C4orf50: variants seen among roughly 807,000 people sequenced by gnomAD.
The protein encoded by C4orf50 is chromosome 4 open reading frame 50.
A neutral mutation model predicts 77.2 loss-of-function variants in C4orf50; 80 were observed. The observed-to-expected ratio is 1.04, with a 90% confidence interval of 0.87 to 1.25. The LOEUF is 1.25. Ranked by LOEUF, C4orf50 falls within the 50% of genes most tolerant of loss-of-function variation. C4orf50 has a pLI of 0.00. For missense variants in C4orf50, 1,257 were observed against 1,152.9 expected (o/e 1.09, Z -1.31); for synonymous variants, 532 against 465.3 (o/e 1.14, Z -1.84).
rs553040164 is a variant in C4orf50 at position 5,973,403 on chromosome 4, C to G, written c.4104+256G>C. Reference sequence around the variant, plus strand: ...ATGAAGCTTGTATGACGCTGAATTACAATCACTGTTTACGTCTGTGCCTTG... The same window carrying G: ...ATGAAGCTTGTATGACGCTGAATTAGAATCACTGTTTACGTCTGTGCCTTG... On this transcript the variant is annotated intron_variant, in intron 31 of 33. Coordinates refer to ENST00000531445, the Ensembl canonical transcript of C4orf50. 1.4e-4 allele frequency among the ~76,000 whole-genome samples: 21 copies of G among 152,382 alleles called. No individual in the cohort carries two copies. The South Asian group carries it at 2.9e-3, about 21-fold the overall frequency.
At chr4:5,906,532 A>T (rs1236442439) in intron 7 of C4orf50, among the ~76,000 whole-genome samples, 2 of 152,182 alleles carry the variant, frequency 1.3e-5, no homozygotes, top group Non-Finnish European at 2.9e-5. Flanking sequence ...ATATCTGAAC[A>T]ATGTGACAGT....
At position 6,011,829 on chromosome 4, in the gene C4orf50, C is replaced by T. The variant is rs1578001266; in HGVS notation, c.426+1G>A. 1.3e-5 allele frequency: 5 copies of T among 399,104 alleles called. No homozygotes were observed. The East Asian group carries it at 1.4e-4, about 11-fold the overall frequency. The allele number at this position is 399,104 out of a possible 1,614,324, so 24.7% of individuals were successfully genotyped here. Reference sequence around the variant, plus strand: ...GCCTGGAAAGGAGAAGGAAACGGTACCTGGCTGGCCAGCTCCCCCTGCAGC... The same window carrying T: ...GCCTGGAAAGGAGAAGGAAACGGTATCTGGCTGGCCAGCTCCCCCTGCAGC... On this transcript the variant is annotated splice_donor_variant, in intron 24 of 33. Transcript: ENST00000531445. LOFTEE classifies it high-confidence loss of function. The surrounding 1 kb of genome is among the most constrained non-coding windows in gnomAD (Gnocchi z 4.2).
intron 7 of C4orf50, among the ~76,000 whole-genome samples, chr4:5,936,834 T>A (rs935792904): frequency 6.6e-6 from 1 of 151,668 alleles, no homozygotes; most frequent in Non-Finnish European, 1.5e-5. Context: ...AACTCCAGAA[T>A]CACAAAGACA....
chr4:5,956,010 T>C (rs1412680445), downstream of C4orf50, among the ~76,000 whole-genome samples: 1 of 152,198 alleles, frequency 6.6e-6, no homozygotes, highest in Non-Finnish European at 1.5e-5. Context: ...TAACCTCCTC[T>C]GACCCAGGAT....
At chr4:5,973,946 C>T in intron 30 of C4orf50, 105 bp from the exon 9 acceptor site, 1 of 890,362 alleles carries the variant, frequency 1.1e-6, no homozygotes, top group Non-Finnish European at 1.7e-6. Flanking sequence ...CTCACCATCC[C>T]CAGCCCTGCC....
At chr4:5,925,495 C>T (rs1261428073) in intron 7 of C4orf50, among the ~76,000 whole-genome samples, 4 of 152,320 alleles carry the variant, frequency 2.6e-5, no homozygotes, top group South Asian at 2.1e-4. Context: ...GTTGGGAGGA[C>T]GGTACCAGTG....
rs114446806 is a variant in C4orf50, at chr4:5,978,400, C to T, written c.3864+1774G>A. On this transcript the variant is annotated intron_variant, in intron 29 of 33. Transcript: ENST00000531445. The stretch of plus-strand genomic sequence containing the variant: ...TTAAGAACTAAAGTGAGTTTAGGAG[C>T]AAATTAGATTCATCCAAAGAGTACT... Among the ~76,000 whole-genome samples the T allele has an allele frequency of 7.6e-4, 115 of 152,228 alleles. 1 individual carries two copies. Among genetic ancestry groups the T allele is most frequent in the African/African-American group, 2.6e-3 (110 of 41,516 alleles).
intron 7 of C4orf50, among the ~76,000 whole-genome samples, chr4:5,924,318 C>T (rs550440868): frequency 4.6e-5 from 7 of 152,152 alleles, no homozygotes; most frequent in African/African-American, 1.4e-4. Context: ...CCAAAATAGT[C>T]GATTTCTGAT....
exon 31 of C4orf50, chr4:5,973,835 T>A (rs1234028156): frequency 6.2e-7 from 1 of 1,609,750 alleles, no homozygotes; most frequent in Non-Finnish European, 8.5e-7. Flanking sequence ...AGGGAAGCTA[T>A]CTTGGCCTGA....
intron 23 of C4orf50, 141 bp from the exon 2 acceptor site, chr4:6,012,109 G>C (rs1722519425): frequency 2.5e-6 from 1 of 397,100 alleles, no homozygotes. Flanking sequence ...ATTACGTTTT[G>C]CATAATATTC....
Position 6,018,495 on chromosome 4 carries a change from C to T in C4orf50, c.-64G>A. 2.5e-6 allele frequency: 1 copy of T among 398,502 alleles called. No homozygotes were observed. Among genetic ancestry groups the T allele is most frequent in the Non-Finnish European group, 4.4e-6 (1 of 226,020 alleles). The allele number at this position is 398,502 out of a possible 1,614,324, so 24.7% of individuals were successfully genotyped here. A position where few individuals can be genotyped will look rare whatever the true frequency, so the allele number is the denominator to read the frequency against. On this transcript the variant is annotated 5_prime_UTR_variant, in exon 23 of 34. Transcript: ENST00000531445. This position sits in a 1 kb window ranked among gnomAD's most constrained non-coding sequence, Gnocchi z 5.1. The stretch of plus-strand genomic sequence containing the variant: ...TTAAGTGAGTTTGCAACATTGACTT[C>T]CCGGAGATTTCAAGGTGGTGTTTGT...
intron 30 of C4orf50, among the ~76,000 whole-genome samples, 183 bp from the exon 9 acceptor site, chr4:5,974,024 G>A (rs1720107072): frequency 6.6e-6 from 1 of 152,214 alleles, no homozygotes; most frequent in Non-Finnish European, 1.5e-5. Context: ...TGCTTTCGGA[G>A]CAGACGGCCA....
chr4:5,952,588 C>T (rs4352417), downstream of C4orf50, among the ~76,000 whole-genome samples: 104,741 of 152,104 alleles, frequency 0.69, 37,185 homozygotes, highest in African/African-American at 0.8. The surrounding 1 kb of genome is among the most constrained non-coding windows in gnomAD (Gnocchi z 4.4). Context: ...ATCTACTCCA[C>T]CCACCCCTTC....
intron 7 of C4orf50, among the ~76,000 whole-genome samples, chr4:5,933,583 C>T (rs1577903818): frequency 6.6e-6 from 1 of 152,230 alleles, no homozygotes; most frequent in South Asian, 2.1e-4. Context: ...ATCCCCATGT[C>T]CCTGACACCA....
intron 7 of C4orf50, chr4:5,899,004 A>G (rs1716240291): frequency 6.6e-6 from 1 of 152,270 alleles, no homozygotes; most frequent in Non-Finnish European, 1.5e-5. Flanking sequence ...CACATGGGAA[A>G]GAGAAAACCC....
Position 5,980,407 on chromosome 4 carries a change from C to T in C4orf50, c.3700-69G>A, listed in dbSNP as rs1027156699. ...CAAGCAATTTGCCTTAGCCAACAAA[C>T]GGTACCCGTTTCCCCACTCCGTAGT... is the stretch of plus-strand genomic sequence containing the variant. On this transcript the variant is annotated intron_variant, in intron 28 of 33. Transcript: ENST00000531445. The T allele has an allele frequency of 1.2e-5, 17 of 1,441,046 alleles. No homozygotes were observed. The South Asian group carries it at 1.6e-4, about 14-fold the overall frequency. 89.3% of individuals were successfully genotyped at this position (1,441,046 alleles called of 1,614,324 possible). A position where few individuals can be genotyped will look rare whatever the true frequency, so the allele number is the denominator to read the frequency against.
chr4:5,950,859 T>C (rs539176191), intron 7 of C4orf50, among the ~76,000 whole-genome samples: 2 of 152,318 alleles, frequency 1.3e-5, no homozygotes, highest in South Asian at 2.1e-4. Context: ...TCAGTAAGCA[T>C]TGATCATGGG....
At chr4:5,941,742 C>T (rs549320205) in intron 7 of C4orf50, among the ~76,000 whole-genome samples, 4 of 152,120 alleles carry the variant, frequency 2.6e-5, no homozygotes, top group Middle Eastern at 3.4e-3. Context: ...CCCCATTGTA[C>T]GGAGGAGGCT....
rs1007191666 is a variant in C4orf50, at chr4:5,908,458, T to C, written c.*2475-10270A>G. 1.3e-5 allele frequency among the ~76,000 whole-genome samples: 2 copies of C among 152,078 alleles called. No homozygotes were observed. Among genetic ancestry groups the C allele is most frequent in the Non-Finnish European group, 2.9e-5 (2 of 68,022 alleles). On this transcript the variant is annotated intron_variant, in intron 7 of 7. Transcript: ENST00000324058. This position sits in a 1 kb window ranked among gnomAD's most constrained non-coding sequence, Gnocchi z 5.6. ...AACCACAGGAGGCATTCATATGTCC[T>C]GGGGAGTTGGCAGCGACTAGGCTAC...
Sources: gnomAD v4.1 joint callset for allele counts (sites outside exome capture counted in the v4.1 genomes callset) on GRCh38, gnomAD v4.1.1 for gene constraint, Gnocchi (gnomAD v3.1) non-coding constraint, MANE v1.5 for transcripts, NCBI Gene and HGNC (gene_info 2026-07-23, HGNC 2026-07-21) for gene names.